QARS1: variants seen among roughly 807,000 people sequenced by gnomAD.
QARS1 encodes glutaminyl-tRNA synthetase 1, also known as glutamine--tRNA ligase.
In QARS1, 79 loss-of-function variants were observed where a neutral mutation model predicts 106.9. That is an observed-to-expected ratio of 0.74 (90% confidence interval 0.62 to 0.89). QARS1 has a LOEUF of 0.89. Ranked by LOEUF, QARS1 falls within the 40% of genes least tolerant of loss-of-function variation. The pLI is 0.00. For synonymous variants in QARS1, 395 were observed against 367.7 expected (o/e 1.07, Z -0.85); for missense variants, 966 against 997.2 (o/e 0.97, Z 0.42).
rs148374607 is a variant in QARS1 at position 49,102,226 on chromosome 3, C to T, written c.610G>A (p.Ala204Thr). 1.9e-5 allele frequency: 30 copies of T among 1,614,088 alleles called. No homozygotes were observed. The African/African-American group carries it at 3.2e-4, about 17-fold the overall frequency. ...TCACCATTCTCCACCACATCCTTTG[C>T]CGTCCTCCGGTCTGTTTCTTCTAGC... ...ARLEETDRRT[A>T]KDVVENGETA... The change falls in exon 7 of 24, where the codon GCA becomes ACA. Residue 204 changes from alanine to threonine, a missense_variant. By Grantham distance (58) the Ala-to-Thr change is moderately conservative. Transcript: ENST00000306125.
rs761630038 is a variant in QARS1, at chr3:49,096,012, G to A, written c.*17C>T. Reference sequence around the variant, plus strand: ...CCACACCCTCCAGGAGGATGAGGTAGGTTCAGTGCTTCCAGCTCACACCTT... The same window carrying A: ...CCACACCCTCCAGGAGGATGAGGTAAGTTCAGTGCTTCCAGCTCACACCTT... On this transcript the variant is annotated 3_prime_UTR_variant, in exon 24 of 24. Transcript: ENST00000306125. 3 of 1,613,164 alleles carry A rather than the reference G, an allele frequency of 1.9e-6. No homozygotes were observed. The Admixed American group carries it at 5.0e-5, about 27-fold the overall frequency.
intron 4 of QARS1, 57 bp downstream of exon 4, chr3:49,103,574 C>T: frequency 4.4e-6 from 7 of 1,587,904 alleles, no homozygotes; most frequent in Non-Finnish European, 6.0e-6. Context: ...CACTCGTGCC[C>T]AGAAGAAAAG....
intron 4 of QARS1, 83 bp downstream of exon 4, chr3:49,103,548 T>A: frequency 6.4e-7 from 1 of 1,559,326 alleles, no homozygotes; most frequent in South Asian, 1.1e-5. Flanking sequence ...TCCTGTTCCT[T>A]CCCCCACCTC....
chr3:49,098,093 C>T lies in QARS1; in HGVS notation c.2176G>A (p.Ala726Thr), dbSNP rs368078728. 2 of 1,614,102 alleles carry T rather than the reference C, an allele frequency of 1.2e-6. No homozygotes were observed. The highest frequency in any genetic ancestry group is 2.7e-5 in the African/African-American group (2 of 74,942). Residue 726 changes from alanine to threonine, a missense_variant, in exon 23 of 24, where the codon GCA becomes ACA. Physicochemically the swap from Ala to Thr is moderately conservative, Grantham distance 58 (BLOSUM62 0). Coordinates refer to ENST00000306125, the MANE Select transcript of QARS1 (RefSeq NM_005051.3). ...AGGGCCACAGAGCAGTCCACTAATG[C>T]TGCATCCACCACGTGTAGTGATGCC... is the stretch of plus-strand genomic sequence containing the variant. ...NLASLHVVDA[A>T]LVDCSVALAK... is the part of the protein sequence containing the mutation.
In QARS1 at chr3:49,096,149, CA is replaced by C. The variant is rs972642977; in HGVS notation, c.2278-71del. ...CCAGGGAGGCCTGGGCAGGTTTCAC[CA>C]CAGACACCTCCCCCTAACATCCTTC... is the stretch of plus-strand genomic sequence containing the variant. On this transcript the variant is annotated intron_variant, in intron 23 of 23. Coordinates refer to ENST00000306125, the MANE Select transcript of QARS1 (RefSeq NM_005051.3). The C allele has an allele frequency of 2.0e-6, 3 of 1,497,926 alleles. No individual in the cohort carries two copies. The African/African-American group carries it at 4.1e-5, about 21-fold the overall frequency. The allele number at this position is 1,497,926 out of a possible 1,614,324, so 92.8% of individuals were successfully genotyped here. A position where few individuals can be genotyped will look rare whatever the true frequency, so the allele number is the denominator to read the frequency against.
At chr3:49,104,511 TGAGAG>T (rs2042513576) in intron 1 of QARS1, 40 bp from the exon 2 acceptor site, 2 of 1,610,522 alleles carry the variant, frequency 1.2e-6, no homozygotes, top group Non-Finnish European at 1.7e-6. Context: ...CCGCGCTCAG[TGAGAG>T]GAAAGGGCGG....
At chr3:49,098,816 G>A in intron 19 of QARS1, 69 bp downstream of exon 19, 1 of 1,501,936 alleles carries the variant, frequency 6.7e-7, no homozygotes. Flanking sequence ...GACTGACAGA[G>A]ATGAGGAGAT....
rs1559968671 is a variant in QARS1 at position 49,101,413 on chromosome 3, TTGGGTTCTGG to T, written c.808_817del (p.Pro270MetfsTer50). 1 of 1,614,068 alleles carries T rather than the reference TTGGGTTCTGG, an allele frequency of 6.2e-7. No individual in the cohort carries two copies. ...GGCATGTCCAATATGCAGGATTCCA[TTGGGTTCTGG>T]CGGGAACCGGGTACGTACCTAAAAT... On this transcript the variant is annotated frameshift_variant, in exon 10 of 24. Transcript: ENST00000306125. LOFTEE classifies it high-confidence loss of function.
Position 49,101,679 on chromosome 3 carries a change from CAT to C in QARS1, c.728_729del (p.Tyr243CysfsTer60). 1 of 1,614,104 alleles carries C rather than the reference CAT, an allele frequency of 6.2e-7. No homozygotes were observed. Among genetic ancestry groups the C allele is most frequent in the African/African-American group, 1.3e-5 (1 of 75,038 alleles). ...AGATTCATGGTGTGTGGAGTGACCACATAGCCTGGGGTCTTGTAGTTCTCACC... is the reference window on the plus strand; with the variant it reads ...AGATTCATGGTGTGTGGAGTGACCACAGCCTGGGGTCTTGTAGTTCTCACC... ...KPGENYKTPGYVVTPHTMNLL... is the reference protein window; with the variant it reads ...KPGENYKTPGXVVTPHTMNLL... On this transcript the variant is annotated frameshift_variant, in exon 9 of 24. Transcript: ENST00000306125. LOFTEE classifies it high-confidence loss of function.
chr3:49,104,091 C>A (rs750374573), intron 2 of QARS1, 119 bp from the exon 3 acceptor site: 1 of 1,136,904 alleles, frequency 8.8e-7, no homozygotes, highest in Admixed American at 1.9e-5. Flanking sequence ...AGCCCTGGCA[C>A]CACCACCCTA....
At position 49,098,999 on chromosome 3, in the gene QARS1, G is replaced by T. The variant is rs754172215; in HGVS notation, c.1759-10C>A. 1 of 1,612,402 alleles carries T rather than the reference G, an allele frequency of 6.2e-7. No individual in the cohort carries two copies. The highest frequency in any genetic ancestry group is 8.5e-7 in the Non-Finnish European group (1 of 1,178,570). On this transcript the variant is annotated splice_polypyrimidine_tract_variant and intron_variant, in intron 18 of 23. Coordinates refer to ENST00000306125, the MANE Select transcript of QARS1 (RefSeq NM_005051.3). ...CCTGGATGTCCAAGGACTATAGCAG[G>T]AGACAGGAGACAGGTATGAGTCATA...
chr3:49,098,693 C>T lies in QARS1; in HGVS notation c.1864-1G>A, dbSNP rs1559966373. The T allele has an allele frequency of 6.3e-7, 1 of 1,590,938 alleles. No homozygotes were observed. Among genetic ancestry groups the T allele is most frequent in the Admixed American group, 1.8e-5 (1 of 55,508 alleles). On this transcript the variant is annotated splice_acceptor_variant, in intron 19 of 23. Transcript: ENST00000306125. LOFTEE classifies it high-confidence loss of function. Reference sequence around the variant, plus strand: ...GGCGCTTAAATCCTGGCTCTGGCTCCTAGAGATAGGAAGTGGGGTAGACAC... The same window carrying T: ...GGCGCTTAAATCCTGGCTCTGGCTCTTAGAGATAGGAAGTGGGGTAGACAC...
chr3:49,103,941 C>G lies in QARS1; in HGVS notation c.297G>C (p.Leu99Phe), dbSNP rs147794116. The change falls in exon 3 of 24, where the codon TTG (leucine) becomes TTC (phenylalanine). Residue 99 changes from leucine to phenylalanine, a missense_variant. Transcript: ENST00000306125. ...CGAAGTCCACAGTGTCGATGGGGTC[C>G]AAGGGGTGACTCCGCACATACTCAA... ...AALEYVRSHPLDPIDTVDFER... is the reference protein window; with the variant it reads ...AALEYVRSHPFDPIDTVDFER... The G allele has an allele frequency of 4.0e-5, 65 of 1,613,830 alleles. 1 individual carries two copies. The highest frequency in any genetic ancestry group is 2.7e-4 in the Admixed American group (16 of 59,992).
intron 20 of QARS1, 40 bp from the exon 21 acceptor site, chr3:49,098,520 A>G (rs777447293): frequency 2.5e-6 from 4 of 1,613,644 alleles, no homozygotes; most frequent in Non-Finnish European, 3.4e-6. Flanking sequence ...AGACCCGGGA[A>G]CCACAACCAG....
rs745835715 is a variant in QARS1, at chr3:49,103,878, C to T, written c.360G>A (p.Glu120=). 1.2e-6 allele frequency: 2 copies of T among 1,614,040 alleles called. No homozygotes were observed. Among genetic ancestry groups the T allele is most frequent in the Non-Finnish European group, 1.7e-6 (2 of 1,179,988 alleles). Residue 120 remains glutamate (E), a synonymous_variant, in exon 3 of 24, where the codon GAG becomes GAA. Coordinates refer to ENST00000306125, the MANE Select transcript of QARS1 (RefSeq NM_005051.3). ...ECGVGVIVTP[E]QIEEAVEAAI... Reference sequence around the variant, plus strand: ...AAAGACTCACAGCCTCCTCAATCTGCTCTGGGGTCACAATGACACCCACGC... The same window carrying T: ...AAAGACTCACAGCCTCCTCAATCTGTTCTGGGGTCACAATGACACCCACGC...
intron 11 of QARS1, 30 bp downstream of exon 11, chr3:49,100,545 C>T (rs2042456142): frequency 2.5e-6 from 4 of 1,591,144 alleles, no homozygotes; most frequent in Admixed American, 1.7e-5. Context: ...CACTAACCAC[C>T]AGCCCTTCTA....
chr3:49,101,487 A>G lies in QARS1; in HGVS notation c.790-46T>C, dbSNP rs2042470697. 1.9e-6 allele frequency: 3 copies of G among 1,587,366 alleles called. No individual in the cohort carries two copies. In the African/African-American group the frequency reaches 4.0e-5, roughly 21 times the overall value. The stretch of plus-strand genomic sequence containing the variant: ...AAAGAGAAATAAAGTCTGAGCTCAG[A>G]TGACCTTAAAGAAACAGATGTTCCC... On this transcript the variant is annotated intron_variant, in intron 9 of 23. Coordinates refer to ENST00000306125, the MANE Select transcript of QARS1 (RefSeq NM_005051.3).
chr3:49,100,435 A>T lies in QARS1; in HGVS notation c.1000T>A (p.Tyr334Asn). The change falls in exon 12 of 24, where the codon TAT becomes AAT. Residue 334 changes from tyrosine (Y) to asparagine (N), a missense_variant. Coordinates refer to ENST00000306125, the MANE Select transcript of QARS1 (RefSeq NM_005051.3). ...AGCTGGTCAAAATAGTCAGACGCATATGTGACTTTGTAAGGTGTGTAGCCT... is the reference window on the plus strand; with the variant it reads ...AGCTGGTCAAAATAGTCAGACGCATTTGTGACTTTGTAAGGTGTGTAGCCT... The part of the protein sequence containing the change: ...WLGYTPYKVT[Y>N]ASDYFDQLYA... 1 of 1,614,232 alleles carries T rather than the reference A, an allele frequency of 6.2e-7. No individual in the cohort carries two copies. Among genetic ancestry groups the T allele is most frequent in the Non-Finnish European group, 8.5e-7 (1 of 1,180,046 alleles).
chr3:49,096,317 G>C (rs190017272), intron 23 of QARS1, among the ~76,000 whole-genome samples: 1 of 152,338 alleles, frequency 6.6e-6, no homozygotes, highest in East Asian at 1.9e-4. Flanking sequence ...CCAGGGTATA[G>C]TTTTATATGG....
Sources: allele counts gnomAD v4.1 joint callset (sites outside exome capture counted in the v4.1 genomes callset), GRCh38; gene constraint gnomAD v4.1.1; transcripts MANE v1.5; gene names NCBI Gene and HGNC (gene_info 2026-07-23, HGNC 2026-07-21).